The following RBBP8 variants were observed in gnomAD, a reference collection of about 807,000 sequenced individuals.
The protein encoded by RBBP8 is DNA endonuclease RBBP8.
Under a neutral mutation model 108.3 loss-of-function variants are expected in RBBP8, and 88 were observed. That is an observed-to-expected ratio of 0.81 (90% confidence interval 0.68 to 0.97). The LOEUF is 0.97. Among genes scored for constraint, RBBP8 ranks in the 50% least tolerant of loss-of-function variants. The pLI, the probability that RBBP8 is intolerant of heterozygous loss-of-function variation, is 0.00. For synonymous variants in RBBP8, 332 were observed against 348.2 expected (o/e 0.95, Z 0.52); for missense variants, 1,023 against 1,049.0 (o/e 0.98, Z 0.34).
At chr18:22,987,689 C>T (rs1915423564) in intron 8 of RBBP8, among the ~76,000 whole-genome samples, 1 of 152,170 alleles carries the variant, frequency 6.6e-6, no homozygotes, top group South Asian at 2.1e-4. Flanking sequence ...TAGTCTCAAG[C>T]AGGCTCCACC....
intron 4 of RBBP8, among the ~76,000 whole-genome samples, chr18:22,955,443 A>T (rs752900443): frequency 9.2e-5 from 14 of 152,182 alleles, no homozygotes; most frequent in Non-Finnish European, 2.1e-4. Flanking sequence ...CTTTGTACTT[A>T]GGCATCCAGC....
chr18:22,940,278 C>G (rs549894575), intron 2 of RBBP8, among the ~76,000 whole-genome samples: 38 of 151,348 alleles, frequency 2.5e-4, no homozygotes, highest in Admixed American at 4.6e-4. Flanking sequence ...GTTTTGTAGT[C>G]CATGAACACG....
chr18:22,955,541 C>T (rs939178260), intron 4 of RBBP8, among the ~76,000 whole-genome samples: 1 of 151,922 alleles, frequency 6.6e-6, no homozygotes, highest in Non-Finnish European at 1.5e-5. Context: ...AAGAAGCTTT[C>T]CCAGGATCAC....
intron 5 of RBBP8, among the ~76,000 whole-genome samples, chr18:22,971,314 A>T (rs1348760753): frequency 6.6e-6 from 1 of 152,148 alleles, no homozygotes; most frequent in Admixed American, 6.5e-5. Flanking sequence ...CTAGGTAAAA[A>T]TATTTGCAAA....
intron 4 of RBBP8, among the ~76,000 whole-genome samples, chr18:22,950,892 A>G (rs1017470312): frequency 1.3e-5 from 2 of 152,232 alleles, no homozygotes; most frequent in Admixed American, 6.5e-5. Flanking sequence ...TAACAGAACA[A>G]GACCCTGTCT....
chr18:22,949,810 A>G (rs1911886006), intron 4 of RBBP8, 97 bp downstream of exon 4: 1 of 894,764 alleles, frequency 1.1e-6, no homozygotes, highest in Non-Finnish European at 1.8e-6. Context: ...ATTGAAAGTG[A>G]TCTTTCCCAC....
rs1353936855 is a variant in RBBP8 at position 22,984,881 on chromosome 18, C to T, written c.605-5C>T. ...GTGTAATCTCTTATTTTTTTCTCCC[C>T]TTAGAAATGAGAAAAGTTTCCAAGT... On this transcript the variant is annotated splice_region_variant and splice_polypyrimidine_tract_variant and intron_variant, in intron 7 of 18. Transcript: ENST00000327155. 6.5e-7 allele frequency: 1 copy of T among 1,545,498 alleles called. No homozygotes were observed. The highest frequency in any genetic ancestry group is 8.9e-7 in the Non-Finnish European group (1 of 1,120,398).
chr18:22,993,114 C>T lies in RBBP8; in HGVS notation c.1287C>T (p.Asn429=). The change falls in exon 11 of 19, where the codon AAC becomes AAT. Residue 429 remains asparagine (N), a synonymous_variant. Transcript: ENST00000327155. The part of the protein sequence containing the change: ...QNRTEYGKDS[N]TDKHLEPLKS... Reference sequence around the variant, plus strand: ...GGACTGAGTACGGTAAAGATTCTAACACTGATAAACATTTGGAGCCCCTGA... The same window carrying T: ...GGACTGAGTACGGTAAAGATTCTAATACTGATAAACATTTGGAGCCCCTGA... 6.2e-7 allele frequency: 1 copy of T among 1,614,014 alleles called. No individual in the cohort carries two copies. Among genetic ancestry groups the T allele is most frequent in the Non-Finnish European group, 8.5e-7 (1 of 1,179,948 alleles).
chr18:22,931,792 T>G (rs1910044920), upstream of RBBP8, among the ~76,000 whole-genome samples: 1 of 152,184 alleles, frequency 6.6e-6, no homozygotes, highest in South Asian at 2.1e-4. Context: ...ATGTCTGACT[T>G]CAGAGCCTGT....
At chr18:22,961,117 G>A (rs1913065848) in intron 4 of RBBP8, among the ~76,000 whole-genome samples, 1 of 152,188 alleles carries the variant, frequency 6.6e-6, no homozygotes, top group Admixed American at 6.5e-5. Flanking sequence ...AGTTTAACTT[G>A]TAAAAAGCAT....
intron 4 of RBBP8, among the ~76,000 whole-genome samples, chr18:22,950,523 A>T (rs1306931041): frequency 6.6e-6 from 1 of 151,458 alleles, no homozygotes; most frequent in Non-Finnish European, 1.5e-5. Flanking sequence ...GTGAGCTATG[A>T]TCGCACTGCT....
intron 12 of RBBP8, among the ~76,000 whole-genome samples, chr18:22,995,025 C>T (rs1598721956): frequency 6.6e-6 from 1 of 152,134 alleles, no homozygotes; most frequent in Admixed American, 6.5e-5. Flanking sequence ...CCACGCCCAG[C>T]CTGCTATCTT....
At chr18:23,006,793 C>T (rs534629357) in intron 16 of RBBP8, among the ~76,000 whole-genome samples, 2 of 152,218 alleles carry the variant, frequency 1.3e-5, no homozygotes, top group African/African-American at 4.8e-5. Context: ...TGAGCCACCA[C>T]ACCTGGCCAG....
In RBBP8 at chr18:22,960,870, G is replaced by C. The variant is rs1350990585; in HGVS notation, c.249-7936G>C. On this transcript the variant is annotated intron_variant, in intron 4 of 18. Coordinates refer to ENST00000327155, the MANE Select transcript of RBBP8 (RefSeq NM_002894.3). Reference sequence around the variant, plus strand: ...AAATTGATTTGTAGTATATCAGAAAGTAAATATTACGGGTATGTCTGTTCT... The same window carrying C: ...AAATTGATTTGTAGTATATCAGAAACTAAATATTACGGGTATGTCTGTTCT... 3.3e-5 allele frequency among the ~76,000 whole-genome samples: 5 copies of C among 152,166 alleles called. No individual in the cohort carries two copies. In the East Asian group the frequency reaches 9.6e-4, roughly 29 times the overall value.
rs139450657 is a variant in RBBP8 at position 22,948,959 on chromosome 18, T to C, written c.153-659T>C. ...AGTAGAAGAAGATTCTGGTTGTCTT[T>C]GTTAGTTTTTTTTCTCACTATAAAG... On this transcript the variant is annotated intron_variant, in intron 3 of 18. Transcript: ENST00000327155. Among the ~76,000 whole-genome samples the C allele has an allele frequency of 9.0e-4, 137 of 152,308 alleles. 2 individuals carry two copies. The highest frequency in any genetic ancestry group is 2.1e-3 in the South Asian group (10 of 4,828).
At chr18:22,920,391 A>G (rs1414673135) in intron 3 of RBBP8, among the ~76,000 whole-genome samples, 4 of 152,242 alleles carry the variant, frequency 2.6e-5, no homozygotes. Context: ...AATAGAGTAC[A>G]TAACAGTTCA....
chr18:22,949,731 G>A lies in RBBP8; in HGVS notation c.248+18G>A. The A allele has an allele frequency of 1.3e-6, 2 of 1,537,784 alleles. No homozygotes were observed. The highest frequency in any genetic ancestry group is 1.8e-6 in the Non-Finnish European group (2 of 1,110,838). ...GAAGATCGGTGAGTCTGGCACTTAG[G>A]TCTTGAGTAAGAAGTGATTTCCTCC... On this transcript the variant is annotated intron_variant, in intron 4 of 18. Coordinates refer to ENST00000327155, the MANE Select transcript of RBBP8 (RefSeq NM_002894.3).
intron 4 of RBBP8, among the ~76,000 whole-genome samples, chr18:22,957,699 G>A (rs10083979): frequency 0.94 from 143,734 of 152,238 alleles, 68,104 homozygotes; most frequent in Non-Finnish European, 0.98. Flanking sequence ...GGAAAGCAAT[G>A]GAACCATGCT....
intron 13 of RBBP8, 40 bp downstream of exon 13, chr18:22,996,502 T>C (rs768055208): frequency 6.2e-7 from 1 of 1,604,938 alleles, no homozygotes; most frequent in African/African-American, 1.3e-5. Flanking sequence ...TTGACTTTTA[T>C]TCCAATGAGT....
Sources: gnomAD v4.1 joint callset for allele counts (sites outside exome capture counted in the v4.1 genomes callset) on GRCh38, gnomAD v4.1.1 for gene constraint, MANE v1.5 for transcripts, NCBI Gene and HGNC (gene_info 2026-07-23, HGNC 2026-07-21) for gene names.